Variants in CASP8 observed in about 807,000 individuals in gnomAD.
The protein encoded by CASP8 is caspase 8.
In CASP8, 24 loss-of-function variants were observed where a neutral mutation model predicts 46.3. The ratio of observed to expected loss-of-function variants is 0.52; its 90% CI spans 0.38 to 0.73. CASP8 has a LOEUF of 0.73. CASP8 is among the 30% of genes least tolerant of loss of function. CASP8 has a pLI of 0.00. For synonymous variants in CASP8, 188 were observed against 200.4 expected, an observed-to-expected ratio of 0.94 and a Z score of 0.52; for missense variants, 460 against 559.0, an observed-to-expected ratio of 0.82 and a Z score of 1.79.
intron 2 of CASP8, among the ~76,000 whole-genome samples, chr2:201,252,491 G>A (rs1051501869): frequency 1.3e-5 from 2 of 152,184 alleles, no homozygotes; most frequent in African/African-American, 4.8e-5. Flanking sequence ...GGCCAGGATG[G>A]TCTGGATCAC....
rs1316267855 is a variant in CASP8 at position 201,287,485 on chromosome 2, C to T, written c.*891C>T. On this transcript the variant is annotated 3_prime_UTR_variant, in exon 9 of 9. Coordinates refer to ENST00000673742, the MANE Select transcript of CASP8 (RefSeq NM_001372051.1). ...TTTTACAAGTTTTAAATAAGCTCTC[C>T]CCAAACTTGCTTTATGCCTTCTTAT... 6 of 154,516 alleles carry T rather than the reference C, an allele frequency of 3.9e-5. No individual in the cohort carries two copies. Among genetic ancestry groups the T allele is most frequent in the Non-Finnish European group, 8.8e-5 (6 of 68,180 alleles). 9.6% of individuals were successfully genotyped at this position (154,516 alleles called of 1,614,324 possible). A position where few individuals can be genotyped will look rare whatever the true frequency, so the allele number is the denominator to read the frequency against.
rs1029070522 is a variant in CASP8 at position 201,281,389 on chromosome 2, C to T, written c.803-3427C>T. Among the ~76,000 whole-genome samples, 6 of 152,112 alleles carry T rather than the reference C, an allele frequency of 3.9e-5. 1 individual carries two copies. Among genetic ancestry groups the T allele is most frequent in the Non-Finnish European group, 7.4e-5 (5 of 68,018 alleles). ...AAATAATTGAGTAAGAGCCCAAATG[C>T]TTATTCTCCATAATAAGAACTCAAT... On this transcript the variant is annotated intron_variant, in intron 7 of 8. Transcript: ENST00000673742.
At chr2:201,286,129 TG>T (rs1949545603) in intron 8 of CASP8, among the ~76,000 whole-genome samples, 1 of 152,140 alleles carries the variant, frequency 6.6e-6, no homozygotes, top group Non-Finnish European at 1.5e-5. Context: ...CAGAGAGTAT[TG>T]GGGGGCATTG....
At chr2:201,252,727 T>C (rs1297028719) in intron 2 of CASP8, among the ~76,000 whole-genome samples, 2 of 152,226 alleles carry the variant, frequency 1.3e-5, no homozygotes, top group African/African-American at 4.8e-5. Flanking sequence ...TTTTGTGTCA[T>C]ATGTTGTAAA....
At chr2:201,259,762 A>G (rs1323573462), upstream of CASP8, among the ~76,000 whole-genome samples, 4 of 152,094 alleles carry the variant, frequency 2.6e-5, no homozygotes, top group Non-Finnish European at 4.4e-5. Context: ...TGCTTCTTTG[A>G]TAAGATGGTA....
chr2:201,283,087 CG>C (rs1949228718), intron 7 of CASP8, among the ~76,000 whole-genome samples: 1 of 45,158 alleles, frequency 2.2e-5, no homozygotes, highest in Non-Finnish European at 6.1e-5. Context: ...GCTGGCCGGG[CG>C]GGGGGCTGAC....
At chr2:201,245,920 T>G (rs1320201205) in intron 2 of CASP8, among the ~76,000 whole-genome samples, 1 of 143,594 alleles carries the variant, frequency 7.0e-6, no homozygotes, top group African/African-American at 2.8e-5. Context: ...CAGACTGGAG[T>G]GCAATGGTGC....
chr2:201,270,369 A>G (rs1307452610), intron 2 of CASP8, among the ~76,000 whole-genome samples: 1 of 152,194 alleles, frequency 6.6e-6, no homozygotes, highest in African/African-American at 2.4e-5. Context: ...TCTTCAGTCT[A>G]TGGACGAGGA....
At chr2:201,247,092 G>A (rs1008734723) in intron 2 of CASP8, among the ~76,000 whole-genome samples, 7 of 150,814 alleles carry the variant, frequency 4.6e-5, no homozygotes, top group African/African-American at 1.7e-4. Context: ...AGGGAGCTGA[G>A]GCAGGAGAAT....
intron 7 of CASP8, among the ~76,000 whole-genome samples, chr2:201,278,324 C>T (rs964983355): frequency 6.6e-6 from 1 of 152,128 alleles, no homozygotes; most frequent in Non-Finnish European, 1.5e-5. Context: ...CTGCAGAAGT[C>T]ATTTCTCCTG....
chr2:201,278,540 C>CTT (rs768024144), intron 7 of CASP8, among the ~76,000 whole-genome samples: 2 of 143,224 alleles, frequency 1.4e-5, no homozygotes, highest in African/African-American at 2.5e-5. Context: ...TGTATTTTTT[C>CTT]TTTTTTTTTT....
Position 201,262,808 on chromosome 2 carries a change from G to T in CASP8, c.-27+2195G>T, listed in dbSNP as rs144531787. On this transcript the variant is annotated intron_variant, in intron 1 of 8. Transcript: ENST00000673742. ...CACACGATGTCTCTCCCCTTACAGT[G>T]CTGGATGGCCCGTTGTTAATGGTGT... Among the ~76,000 whole-genome samples the T allele has an allele frequency of 8.1e-3, 1,226 of 152,266 alleles. 17 individuals are homozygous for T. Among genetic ancestry groups the T allele is most frequent in the Non-Finnish European group, 7.7e-3 (522 of 68,026 alleles).
rs780908132 is a variant in CASP8 at position 201,284,851 on chromosome 2, G to A, written c.838G>A (p.Glu280Lys). The A allele has an allele frequency of 6.2e-7, 1 of 1,613,972 alleles. No homozygotes were observed. The highest frequency in any genetic ancestry group is 1.7e-5 in the Admixed American group (1 of 59,982). Reference sequence around the variant, plus strand: ...CACGACCTTTGAAGAGCTTCATTTTGAGATCAAGCCCCACGATGACTGCAC... The same window carrying A: ...CACGACCTTTGAAGAGCTTCATTTTAAGATCAAGCCCCACGATGACTGCAC... The part of the protein sequence containing the change: ...LTTTFEELHF[E>K]IKPHDDCTVE... Residue 280 changes from glutamate to lysine, a missense_variant, in exon 8 of 9, where the codon GAG becomes AAG. Coordinates refer to ENST00000673742, the MANE Select transcript of CASP8 (RefSeq NM_001372051.1).
chr2:201,269,653 G>A, intron 2 of CASP8: 1 of 1,357,456 alleles, frequency 7.4e-7, no homozygotes, highest in Non-Finnish European at 1.0e-6. Context: ...GAGATAAAAG[G>A]GTCCGGGCAA....
intron 7 of CASP8, among the ~76,000 whole-genome samples, chr2:201,283,061 C>T (rs1244258184): frequency 1.4e-5 from 1 of 73,830 alleles, no homozygotes; most frequent in Non-Finnish European, 3.4e-5. Flanking sequence ...CCCCCTCCCC[C>T]CTCCCGGACG....
intron 2 of CASP8, among the ~76,000 whole-genome samples, chr2:201,253,196 C>T (rs571575143): frequency 2.0e-5 from 3 of 151,266 alleles, no homozygotes; most frequent in Non-Finnish European, 4.4e-5. Context: ...AGTATGTTGC[C>T]CAGGCTGATC....
At chr2:201,253,547 T>C (rs1266544733) in intron 2 of CASP8, among the ~76,000 whole-genome samples, 1 of 151,988 alleles carries the variant, frequency 6.6e-6, no homozygotes, top group Non-Finnish European at 1.5e-5. Flanking sequence ...TGTTATTATA[T>C]CATTAAAAGT....
intron 7 of CASP8, among the ~76,000 whole-genome samples, chr2:201,282,718 T>C (rs1330010640): frequency 3.4e-4 from 23 of 66,716 alleles, no homozygotes; most frequent in African/African-American, 1.2e-3. Context: ...CCCTCCCGGA[T>C]GGGGCGGCTG....
At chr2:201,276,179 C>T (rs149853053) in intron 6 of CASP8, among the ~76,000 whole-genome samples, 1 of 152,266 alleles carries the variant, frequency 6.6e-6, no homozygotes, top group Non-Finnish European at 1.5e-5. Flanking sequence ...GGACACAGCG[C>T]CATCCCTGGC....
Sources: allele counts gnomAD v4.1 joint callset (sites outside exome capture counted in the v4.1 genomes callset), GRCh38; gene constraint gnomAD v4.1.1; transcripts MANE v1.5; gene names NCBI Gene and HGNC (gene_info 2026-07-23, HGNC 2026-07-21).